The following CCNY variants were observed in gnomAD, a reference collection of about 807,000 sequenced individuals.
CCNY encodes the protein cyclin Y, also known as cyclin-Y.
A neutral mutation model predicts 42.8 loss-of-function variants in CCNY; 19 were observed. The observed-to-expected ratio is 0.44, with a 90% CI of 0.31 to 0.65. The LOEUF is 0.65. Ranked by LOEUF, CCNY falls within the 30% of genes least tolerant of loss-of-function variation. The probability of loss-of-function intolerance (pLI) is 0.07; values close to 1 mark genes in which losing one functional copy is unlikely to be tolerated. For missense variants in CCNY, 370 were observed against 437.3 expected (o/e 0.85, Z 1.37); for synonymous variants, 165 against 162.7 (o/e 1.01, Z -0.11).
chr10:35,350,685 G>T (rs1186308534), intron 1 of CCNY, among the ~76,000 whole-genome samples: 2 of 152,218 alleles, frequency 1.3e-5, no homozygotes, highest in East Asian at 3.8e-4. Flanking sequence ...CCCTTGGTTT[G>T]TTGCATCTCT....
chr10:35,520,090 C>T (rs1840517797), intron 4 of CCNY, among the ~76,000 whole-genome samples: 2 of 152,172 alleles, frequency 1.3e-5, no homozygotes, highest in South Asian at 2.1e-4. Flanking sequence ...TTAAAATGCA[C>T]ACTGGGAGCT....
chr10:35,477,118 C>T (rs1032945860), intron 1 of CCNY, among the ~76,000 whole-genome samples: 10 of 152,064 alleles, frequency 6.6e-5, no homozygotes, highest in Non-Finnish European at 1.2e-4. Context: ...AGACCAATAA[C>T]AGGATCTGAA....
At chr10:35,527,783 G>C (rs1840682682) in intron 5 of CCNY, among the ~76,000 whole-genome samples, 1 of 152,228 alleles carries the variant, frequency 6.6e-6, no homozygotes, top group South Asian at 2.1e-4. Flanking sequence ...CTCTAGGTAT[G>C]AGGAGGGATG....
rs1177122335 is a variant in CCNY, at chr10:35,519,776, C to CTTTTTTTTTTTTTTT, written c.365+3164_365+3178dup. ...AAGTATCTTCTTTTTCTTTTCTTTT[C>CTTTTTTTTTTTTTTT]TTTTTTTTTTTTTTTTTTTTTTTTT... On this transcript the variant is annotated intron_variant, in intron 4 of 9. Transcript: ENST00000374704. Among the ~76,000 whole-genome samples the CTTTTTTTTTTTTTTT allele has an allele frequency of 7.2e-4, 54 of 74,660 alleles. 2 individuals carry two copies. The highest frequency in any genetic ancestry group is 1.4e-3 in the African/African-American group (25 of 17,384). 49.0% of individuals were successfully genotyped at this position (74,660 alleles called of 152,430 possible).
chr10:35,360,288 C>CTTTTTTTTT (rs5784449), intron 1 of CCNY, among the ~76,000 whole-genome samples: 2 of 99,860 alleles, frequency 2.0e-5, no homozygotes, highest in African/African-American at 3.8e-5. Flanking sequence ...CTTTTCTTTT[C>CTTTTTTTTT]TTTTTTTTTT....
chr10:35,322,346 T>A, intron 3 of CCNY, among the ~76,000 whole-genome samples: 2 of 140,800 alleles, frequency 1.4e-5, no homozygotes, highest in African/African-American at 2.6e-5. Flanking sequence ...AGAGCAAGAC[T>A]CTGTCTCAAA....
At chr10:35,372,762 C>T (rs1403205470) in intron 1 of CCNY, among the ~76,000 whole-genome samples, 2 of 152,180 alleles carry the variant, frequency 1.3e-5, no homozygotes, top group Non-Finnish European at 2.9e-5. Context: ...TACAATGGCG[C>T]GATCTCAGCT....
chr10:35,466,013 GCGAGGA>G (rs1409136079), intron 1 of CCNY, among the ~76,000 whole-genome samples: 3 of 151,950 alleles, frequency 2.0e-5, no homozygotes, highest in Non-Finnish European at 4.4e-5. Context: ...CTCCTTGAGA[GCGAGGA>G]CTGGATCTGA....
chr10:35,567,216 A>G lies in CCNY; in HGVS notation c.909+1031A>G, dbSNP rs55654663. ...CTGCTTTTTATTTTTTTTCCAAAAT[A>G]CCTTTTCCATAGCCCAGTTAGAGCT... On this transcript the variant is annotated intron_variant, in intron 9 of 9. Transcript: ENST00000374704. Among the ~76,000 whole-genome samples the G allele has an allele frequency of 9.8e-3, 1,496 of 152,278 alleles. 24 individuals carry two copies. The highest frequency in any genetic ancestry group is 0.034 in the African/African-American group (1,433 of 41,558).
intron 1 of CCNY, among the ~76,000 whole-genome samples, chr10:35,368,220 A>G (rs1836850956): frequency 6.6e-6 from 1 of 152,232 alleles, no homozygotes. Flanking sequence ...CTTTAGCTGC[A>G]TGACCTTCGG....
At chr10:35,414,959 A>T (rs1285803127) in intron 1 of CCNY, among the ~76,000 whole-genome samples, 1 of 152,240 alleles carries the variant, frequency 6.6e-6, no homozygotes, top group Non-Finnish European at 1.5e-5. Flanking sequence ...GCAAAAACTT[A>T]GTTCCATAAA....
At position 35,526,079 on chromosome 10, in the gene CCNY, T is replaced by C. The variant is rs568419882; in HGVS notation, c.401+80T>C. On this transcript the variant is annotated intron_variant, in intron 5 of 9. Coordinates refer to ENST00000374704, the MANE Select transcript of CCNY (RefSeq NM_145012.6). ...TCCTATTTTTTCATATTCTAGTTGCTTAAACCTTTGAATTATACTTTCTTA... is the reference window on the plus strand; with the variant it reads ...TCCTATTTTTTCATATTCTAGTTGCCTAAACCTTTGAATTATACTTTCTTA... 31 of 1,248,580 alleles carry C rather than the reference T, an allele frequency of 2.5e-5. No homozygotes were observed. In the East Asian group the frequency reaches 6.6e-4, roughly 27 times the overall value. The allele number at this position is 1,248,580 out of a possible 1,614,324, so 77.3% of individuals were successfully genotyped here. A position where few individuals can be genotyped will look rare whatever the true frequency, so the allele number is the denominator to read the frequency against.
intron 7 of CCNY, among the ~76,000 whole-genome samples, chr10:35,536,124 A>T (rs191889483): frequency 6.6e-6 from 1 of 152,210 alleles, no homozygotes; most frequent in African/African-American, 2.4e-5. Context: ...GGTGGGAGAT[A>T]ACTGAAACAT....
At chr10:35,286,691 G>A (rs189043900) in intron 3 of CCNY, among the ~76,000 whole-genome samples, 371 of 133,072 alleles carry the variant, frequency 2.8e-3, no homozygotes, top group Admixed American at 4.4e-3. Context: ...GGAGTGTCTC[G>A]CTCTGTTGCC....
At chr10:35,527,436 A>C (rs1477363782) in intron 5 of CCNY, among the ~76,000 whole-genome samples, 1 of 152,226 alleles carries the variant, frequency 6.6e-6, no homozygotes, top group African/African-American at 2.4e-5. Flanking sequence ...CAGAGCTGAT[A>C]ATAATGAGTT....
rs114186197 is a variant in CCNY, at chr10:35,517,435, A to G, written c.365+812A>G. ...TCTCTATACTTGTTTCAGAAAGCAC[A>G]CATTTCACAATACATGTCAGCATAT... is the stretch of plus-strand genomic sequence containing the variant. On this transcript the variant is annotated intron_variant, in intron 4 of 9. Transcript: ENST00000374704. Among the ~76,000 whole-genome samples the G allele has an allele frequency of 4.2e-3, 641 of 152,346 alleles. 2 individuals carry two copies. Among genetic ancestry groups the G allele is most frequent in the African/African-American group, 0.015 (620 of 41,572 alleles).
chr10:35,525,895 G>A lies in CCNY; in HGVS notation c.366-69G>A. ...CTGTTTAAATATTTATGTTCAGACT[G>A]TGGCCAGGTAATGTGTAAGGTCTTG... On this transcript the variant is annotated intron_variant, in intron 4 of 9. Transcript: ENST00000374704. 3 of 1,322,456 alleles carry A rather than the reference G, an allele frequency of 2.3e-6. No homozygotes were observed. In the South Asian group the frequency reaches 3.8e-5, roughly 17 times the overall value. The allele number at this position is 1,322,456 out of a possible 1,614,324, so 81.9% of individuals were successfully genotyped here.
At chr10:35,257,793 T>A (rs1202443745) in intron 3 of CCNY, among the ~76,000 whole-genome samples, 1 of 152,246 alleles carries the variant, frequency 6.6e-6, no homozygotes, top group Non-Finnish European at 1.5e-5. Context: ...AAGTTTGGGA[T>A]GTTTTCAGCC....
At position 35,498,147 on chromosome 10, in the gene CCNY, C is replaced by T. The variant is rs555561515; in HGVS notation, c.230-3354C>T. ...CATTCACAAATGAGTTGTGAAAACA[C>T]CTGTGGAATGTTGTCAGCCAGGGAA... On this transcript the variant is annotated intron_variant, in intron 2 of 9. Transcript: ENST00000374704. 1.2e-4 allele frequency among the ~76,000 whole-genome samples: 19 copies of T among 152,272 alleles called. No homozygotes were observed. The South Asian group carries it at 3.1e-3, about 25-fold the overall frequency.
Sources: gnomAD v4.1 joint callset for allele counts (sites outside exome capture counted in the v4.1 genomes callset) on GRCh38, gnomAD v4.1.1 for gene constraint, MANE v1.5 for transcripts, NCBI Gene and HGNC (gene_info 2026-07-23, HGNC 2026-07-21) for gene names.